Variants in CHID1 observed in about 807,000 individuals in gnomAD.
The protein encoded by CHID1 is chitinase domain-containing protein 1.
In CHID1, 44 loss-of-function variants were observed where a neutral mutation model predicts 55.4. The ratio of observed to expected loss-of-function variants is 0.79; its 90% CI spans 0.62 to 1.02. The LOEUF is 1.02. Among genes scored for constraint, CHID1 ranks in the 50% least tolerant of loss-of-function variants. CHID1 has a pLI of 0.00. For synonymous variants in CHID1, 216 were observed against 212.9 expected (o/e 1.01, Z -0.13); for missense variants, 491 against 515.3 (o/e 0.95, Z 0.46).
At chr11:883,524 C>G (rs1339574018) in intron 9 of CHID1, among the ~76,000 whole-genome samples, 1 of 152,086 alleles carries the variant, frequency 6.6e-6, no homozygotes, top group African/African-American at 2.4e-5. Context: ...AAAGGGCTGT[C>G]AGCAGAGTGG....
At chr11:888,608 G>A (rs1268184280) in intron 8 of CHID1, among the ~76,000 whole-genome samples, 1 of 152,246 alleles carries the variant, frequency 6.6e-6, no homozygotes, top group Non-Finnish European at 1.5e-5. Context: ...AAAACACCAT[G>A]TTCTGCATTC....
In CHID1 at chr11:884,151, C is replaced by T. The variant is rs149001064; in HGVS notation, c.720G>A (p.Met240Ile). 15 of 1,614,016 alleles carry T rather than the reference C, an allele frequency of 9.3e-6. No individual in the cohort carries two copies. The highest frequency in any genetic ancestry group is 1.7e-5 in the Admixed American group (1 of 59,996). ...GCTGCTCAAACTCCTTGTGCGTGAA[C>T]ATGCCCAGCTGGTCGGTCCTGTAAC... Reference protein sequence around the residue: ...AITPGTDQLGMFTHKEFEQLA... With the variant: ...AITPGTDQLGIFTHKEFEQLA... The change falls in exon 9 of 13, where the codon ATG (methionine) becomes ATA (isoleucine). Residue 240 changes from methionine to isoleucine, a missense_variant. Coordinates refer to ENST00000323578, the MANE Select transcript of CHID1 (RefSeq NM_023947.4).
upstream of CHID1, among the ~76,000 whole-genome samples, chr11:913,912 A>G (rs796248734): frequency 3.3e-5 from 5 of 152,120 alleles, no homozygotes; most frequent in African/African-American, 1.2e-4. Flanking sequence ...TAAAAATACA[A>G]AAAAAATTAA....
chr11:905,584 C>T lies in CHID1; in HGVS notation c.-43-725G>A, dbSNP rs772591121. ...ACTCGGGAGGCTGAGGCAAGAGAAT[C>T]GCTTGAACCCAGGAGGCAGAGGTTG... On this transcript the variant is annotated intron_variant, in intron 1 of 12. Transcript: ENST00000323578. Among the ~76,000 whole-genome samples, 68 of 151,982 alleles carry T rather than the reference C, an allele frequency of 4.5e-4. 2 individuals are homozygous for T. The highest frequency in any genetic ancestry group is 7.7e-4 in the Non-Finnish European group (52 of 67,966).
intron 8 of CHID1, 100 bp from the exon 9 acceptor site, chr11:884,269 C>CTTT: frequency 1.2e-6 from 1 of 834,604 alleles, no homozygotes; most frequent in Non-Finnish European, 1.9e-6. Context: ...ACTTGGGTCA[C>CTTT]TTTTCCCAAG....
In CHID1 at chr11:893,445, G is replaced by A. The variant is rs1028958102; in HGVS notation, c.683C>T (p.Pro228Leu). The change falls in exon 8 of 13, where the codon CCG becomes CTG. Residue 228 changes from proline (P) to leucine (L), a missense_variant. Coordinates refer to ENST00000323578, the MANE Select transcript of CHID1 (RefSeq NM_023947.4). ...CACTTACCCGGGGGTGATGGCAGGCGGGATGACCAGGAGGGCCAGCAGCCG... is the reference window on the plus strand; with the variant it reads ...CACTTACCCGGGGGTGATGGCAGGCAGGATGACCAGGAGGGCCAGCAGCCG... ...QARLLALLVIPPAITPGTDQL... is the reference protein window; with the variant it reads ...QARLLALLVILPAITPGTDQL... 3.9e-6 allele frequency: 6 copies of A among 1,551,042 alleles called. No homozygotes were observed. The highest frequency in any genetic ancestry group is 2.4e-5 in the East Asian group (1 of 41,480).
chr11:878,762 C>T (rs899624134), intron 10 of CHID1, among the ~76,000 whole-genome samples: 6 of 151,242 alleles, frequency 4.0e-5, no homozygotes, highest in South Asian at 2.1e-4. Context: ...AGTGCAATGG[C>T]GCGATCTCCA....
In CHID1 at chr11:902,270, G is replaced by C. The variant is rs767336380; in HGVS notation, c.322C>G (p.Pro108Ala). 6.2e-7 allele frequency: 1 copy of C among 1,613,984 alleles called. No individual in the cohort carries two copies. The highest frequency in any genetic ancestry group is 8.5e-7 in the Non-Finnish European group (1 of 1,179,978). The change falls in exon 4 of 13, where the codon CCC (proline) becomes GCC (alanine). Residue 108 changes from proline to alanine, a missense_variant. Transcript: ENST00000323578. ...CGTCTCTTCAGCTGCAGCCAGACGG[G>C]TGAGATCTGTGTGAACTTGCTCCCA... ...VFGSKFTQIS[P>A]VWLQLKRRGR...
intron 11 of CHID1, 42 bp from the exon 12 acceptor site, chr11:870,205 T>G (rs1257205739): frequency 1.9e-6 from 3 of 1,612,226 alleles, no homozygotes; most frequent in Non-Finnish European, 2.5e-6. Flanking sequence ...CTCTGCTGGT[T>G]CCAGGCCTCC....
rs1278204752 is a variant in CHID1, at chr11:900,950, T to C, written c.425A>G (p.Lys142Arg). 6 of 1,603,348 alleles carry C rather than the reference T, an allele frequency of 3.7e-6. No individual in the cohort carries two copies. The highest frequency in any genetic ancestry group is 1.3e-5 in the African/African-American group (1 of 74,216). The change falls in exon 5 of 13, where the codon AAG becomes AGG. Residue 142 changes from lysine (K) to arginine (R), a missense_variant. Transcript: ENST00000323578. The stretch of plus-strand genomic sequence containing the variant: ...GCCGCACTTACCTATGTGCAGGCCC[T>C]TGGCATGCTTCCTGACAGCTCGCAT... The part of the protein sequence containing the change: ...GWMRAVRKHA[K>R]GLHIVPRLLF...
At chr11:902,694 T>G (rs1441505208) in intron 3 of CHID1, among the ~76,000 whole-genome samples, 1 of 152,008 alleles carries the variant, frequency 6.6e-6, no homozygotes, top group Non-Finnish European at 1.5e-5. Context: ...ATCCACTTCC[T>G]GACCCCAGAC....
chr11:888,192 G>A (rs1850539600), intron 8 of CHID1, among the ~76,000 whole-genome samples: 1 of 152,208 alleles, frequency 6.6e-6, no homozygotes, highest in Non-Finnish European at 1.5e-5. Context: ...GCTAAGAACG[G>A]TCCTCACGCT....
chr11:899,308 A>G, intron 7 of CHID1, 32 bp downstream of exon 7: 1 of 1,575,840 alleles, frequency 6.3e-7, no homozygotes, highest in Non-Finnish European at 8.6e-7. Flanking sequence ...GGCCAGGAGG[A>G]GGGCCACCCA....
In CHID1 at chr11:869,967, A is replaced by T. The variant is rs760496947; in HGVS notation, c.1084-11T>A. ...CCGCACCTGCAGGGACTGGGCACAG[A>T]TGGAGGTGTGAGCACCTGCTGGGGC... On this transcript the variant is annotated splice_polypyrimidine_tract_variant and intron_variant, in intron 12 of 12. Coordinates refer to ENST00000323578, the MANE Select transcript of CHID1 (RefSeq NM_023947.4). The T allele has an allele frequency of 2.5e-6, 4 of 1,612,272 alleles. No homozygotes were observed. In the South Asian group the frequency reaches 3.3e-5, roughly 13 times the overall value.
intron 8 of CHID1, 47 bp downstream of exon 8, chr11:893,380 C>A: frequency 1.3e-6 from 2 of 1,496,186 alleles, no homozygotes; most frequent in South Asian, 2.5e-5. Flanking sequence ...TGCCCCCGAC[C>A]CCAGAGCCCT....
At chr11:884,028 G>T in intron 9 of CHID1, 40 bp downstream of exon 9, 1 of 1,480,956 alleles carries the variant, frequency 6.8e-7, no homozygotes, top group Non-Finnish European at 9.4e-7. Context: ...CTGCACTGTG[G>T]AGTTTGCTGT....
chr11:893,986 G>C (rs1851053067), intron 7 of CHID1, among the ~76,000 whole-genome samples: 2 of 152,062 alleles, frequency 1.3e-5, no homozygotes, highest in South Asian at 4.1e-4. Context: ...GCAGGGTGTG[G>C]TGGCAGGTTC....
chr11:879,452 G>A (rs957710398), intron 10 of CHID1, among the ~76,000 whole-genome samples: 8 of 152,262 alleles, frequency 5.3e-5, no homozygotes, highest in African/African-American at 1.7e-4. Context: ...CTTATAAGAA[G>A]AGGAGAAGAG....
intron 2 of CHID1, 129 bp from the exon 3 acceptor site, chr11:903,240 C>A: frequency 1.1e-6 from 1 of 905,662 alleles, no homozygotes; most frequent in Non-Finnish European, 1.7e-6. Flanking sequence ...GCTGCTGACC[C>A]GGAGACCCTG....
Sources: allele counts gnomAD v4.1 joint callset (sites outside exome capture counted in the v4.1 genomes callset), GRCh38; gene constraint gnomAD v4.1.1; transcripts MANE v1.5; gene names NCBI Gene and HGNC (gene_info 2026-07-23, HGNC 2026-07-21).